RAB3C: variants seen among roughly 807,000 people sequenced by gnomAD.
RAB3C encodes ras-related protein Rab-3C.
Under a neutral mutation model 26.4 loss-of-function variants are expected in RAB3C, and 17 were observed. The observed-to-expected ratio is 0.64, with a 90% confidence interval of 0.44 to 0.97. RAB3C has a LOEUF of 0.97. RAB3C is among the 50% of genes least tolerant of loss of function. RAB3C has a pLI of 0.00. For synonymous variants in RAB3C, 91 were observed against 95.9 expected (o/e 0.95, Z 0.30); for missense variants, 242 against 281.9 (o/e 0.86, Z 1.01).
chr5:58,794,755 C>T (rs762971401), intron 3 of RAB3C, among the ~76,000 whole-genome samples: 2 of 152,132 alleles, frequency 1.3e-5, no homozygotes, highest in African/African-American at 2.4e-5. Context: ...GAAAGTGAGG[C>T]GCAGAGGAGT....
At chr5:58,801,573 G>T (rs1035214383) in intron 3 of RAB3C, among the ~76,000 whole-genome samples, 1 of 152,180 alleles carries the variant, frequency 6.6e-6, no homozygotes, top group Non-Finnish European at 1.5e-5. Flanking sequence ...GCATCATCCC[G>T]TACCCATGGT....
chr5:58,584,007 T>C (rs1745961666), intron 1 of RAB3C, among the ~76,000 whole-genome samples: 1 of 152,254 alleles, frequency 6.6e-6, no homozygotes, highest in South Asian at 2.1e-4. Flanking sequence ...GTGATAATTC[T>C]CGTCTCTATG....
chr5:58,820,054 A>G (rs1163987907), intron 3 of RAB3C, among the ~76,000 whole-genome samples: 3 of 152,188 alleles, frequency 2.0e-5, no homozygotes, highest in African/African-American at 4.8e-5. Context: ...AAAGAGGTAT[A>G]AATTTCATTT....
At chr5:58,821,908 C>T (rs1743349837) in intron 3 of RAB3C, among the ~76,000 whole-genome samples, 1 of 152,192 alleles carries the variant, frequency 6.6e-6, no homozygotes, top group Non-Finnish European at 1.5e-5. Flanking sequence ...GAGAACAGCT[C>T]ATTGCCACTT....
intron 3 of RAB3C, among the ~76,000 whole-genome samples, chr5:58,784,493 T>C (rs1213196088): frequency 6.6e-6 from 1 of 152,168 alleles, no homozygotes; most frequent in Non-Finnish European, 1.5e-5. Flanking sequence ...ACGTGGAAAT[T>C]GTGGAAGCTA....
chr5:58,735,090 C>T (rs981537075), intron 3 of RAB3C, among the ~76,000 whole-genome samples: 4 of 152,192 alleles, frequency 2.6e-5, no homozygotes, highest in South Asian at 2.1e-4. Context: ...TTATTCTATG[C>T]GAGGCCCATC....
chr5:58,699,006 G>A (rs566423107), intron 2 of RAB3C, among the ~76,000 whole-genome samples: 52 of 152,232 alleles, frequency 3.4e-4, no homozygotes, highest in South Asian at 2.5e-3. Context: ...GAGAAGAGGC[G>A]CTCCGATTTT....
chr5:58,748,954 A>G lies in RAB3C; in HGVS notation c.371+22834A>G, dbSNP rs148151358. On this transcript the variant is annotated intron_variant, in intron 3 of 4. Transcript: ENST00000282878. ...TTCTCCATCCCTGTTTTCCTCTTTA[A>G]TGAGCTTGGTGCAGAATGAGGCCAT... Among the ~76,000 whole-genome samples the G allele has an allele frequency of 2.7e-3, 405 of 152,242 alleles. 1 individual carries two copies. The highest frequency in any genetic ancestry group is 9.3e-3 in the African/African-American group (386 of 41,558).
intron 3 of RAB3C, among the ~76,000 whole-genome samples, chr5:58,748,770 T>C (rs528635362): frequency 2.5e-4 from 38 of 152,322 alleles, no homozygotes; most frequent in African/African-American, 8.7e-4. Context: ...TGCTCCTTCT[T>C]CTATAACATA....
At chr5:58,750,206 A>C (rs1480795884) in intron 3 of RAB3C, among the ~76,000 whole-genome samples, 1 of 152,188 alleles carries the variant, frequency 6.6e-6, no homozygotes, top group Non-Finnish European at 1.5e-5. Context: ...CAACTAATAC[A>C]GTGTTCACTT....
intron 2 of RAB3C, among the ~76,000 whole-genome samples, chr5:58,683,591 T>C (rs987456558): frequency 3.9e-5 from 6 of 152,234 alleles, no homozygotes; most frequent in Non-Finnish European, 5.9e-5. Flanking sequence ...GGTTGCACTT[T>C]CTATAGTTTC....
intron 2 of RAB3C, among the ~76,000 whole-genome samples, chr5:58,681,595 C>A (rs935738544): frequency 6.6e-6 from 1 of 152,152 alleles, no homozygotes; most frequent in Non-Finnish European, 1.5e-5. Flanking sequence ...GTTGTAAGAA[C>A]AAATCTTTAG....
intron 3 of RAB3C, among the ~76,000 whole-genome samples, chr5:58,782,176 G>A (rs181905873): frequency 1.2e-3 from 182 of 152,170 alleles, no homozygotes; most frequent in African/African-American, 4.2e-3. Flanking sequence ...AATGGGAAGC[G>A]GAATACATTG....
At chr5:58,718,006 T>C (rs750024212) in intron 2 of RAB3C, among the ~76,000 whole-genome samples, 16 of 152,104 alleles carry the variant, frequency 1.1e-4, no homozygotes, top group Non-Finnish European at 1.9e-4. Context: ...CCTGTTATCC[T>C]TTAAAACGCA....
intron 2 of RAB3C, among the ~76,000 whole-genome samples, chr5:58,714,802 G>A (rs931608204): frequency 6.6e-6 from 1 of 151,322 alleles, no homozygotes; most frequent in Non-Finnish European, 1.5e-5. Flanking sequence ...AGACAAAATA[G>A]AAAATTTTCA....
chr5:58,762,528 A>G (rs1741818026), intron 3 of RAB3C, among the ~76,000 whole-genome samples: 1 of 152,082 alleles, frequency 6.6e-6, no homozygotes, highest in Admixed American at 6.6e-5. Context: ...CCCCATCTCT[A>G]CTAAAAATAC....
chr5:58,585,533 C>A (rs912348297), intron 1 of RAB3C, among the ~76,000 whole-genome samples: 6 of 151,814 alleles, frequency 4.0e-5, no homozygotes, highest in African/African-American at 1.5e-4. Flanking sequence ...TTCTTCTCTG[C>A]TTTTAAAAAA....
intron 3 of RAB3C, among the ~76,000 whole-genome samples, chr5:58,786,696 C>T (rs752587272): frequency 6.6e-6 from 1 of 151,936 alleles, no homozygotes; most frequent in African/African-American, 2.4e-5. Context: ...ACACTGAGCC[C>T]AGCTGGCTCC....
intron 1 of RAB3C, among the ~76,000 whole-genome samples, chr5:58,591,626 C>G (rs1746129387): frequency 6.8e-6 from 1 of 148,048 alleles, no homozygotes. Context: ...TTATTTTCAA[C>G]TTATATGTGT....
Sources: allele counts gnomAD v4.1 joint callset (sites outside exome capture counted in the v4.1 genomes callset), GRCh38; gene constraint gnomAD v4.1.1; transcripts MANE v1.5; gene names NCBI Gene and HGNC (gene_info 2026-07-23, HGNC 2026-07-21).